YES1: variants seen among roughly 807,000 people sequenced by gnomAD.
The protein encoded by YES1 is YES proto-oncogene 1, Src family tyrosine kinase.
In YES1, 39 loss-of-function variants were observed where a neutral mutation model predicts 70.4. That is an observed-to-expected ratio of 0.55 (90% CI 0.43 to 0.72). The LOEUF (loss-of-function observed/expected upper bound fraction) is 0.72, where lower values mean the gene tolerates loss of function less well. YES1 is among the 30% of genes least tolerant of loss of function. YES1 has a pLI of 0.00. For missense variants in YES1, 495 were observed against 644.8 expected (o/e 0.77, Z 2.52); for synonymous variants, 198 against 218.6 (o/e 0.91, Z 0.83).
At chr18:728,341 T>C (rs1307374587) in intron 11 of YES1, among the ~76,000 whole-genome samples, 1 of 151,410 alleles carries the variant, frequency 6.6e-6, no homozygotes, top group African/African-American at 2.4e-5. Context: ...AAAAATTCAT[T>C]TATGTTTCAT....
intron 1 of YES1, among the ~76,000 whole-genome samples, chr18:794,606 T>C (rs1172139822): frequency 6.6e-6 from 1 of 152,182 alleles, no homozygotes; most frequent in African/African-American, 2.4e-5. Context: ...GTCATAGTTC[T>C]GGAGGCAGGA....
intron 1 of YES1, among the ~76,000 whole-genome samples, chr18:799,339 C>T (rs1906702273): frequency 6.6e-6 from 1 of 152,206 alleles, no homozygotes; most frequent in Non-Finnish European, 1.5e-5. Flanking sequence ...GCTCTCCTTA[C>T]ACTCAGATAA....
intron 11 of YES1, among the ~76,000 whole-genome samples, chr18:725,549 AG>A (rs796612383): frequency 4.6e-5 from 7 of 152,330 alleles, no homozygotes; most frequent in African/African-American, 1.7e-4. Context: ...AATACTTAAA[AG>A]GAAGTTTTCT....
intron 1 of YES1, chr18:798,269 A>G (rs1906643211): frequency 1.3e-5 from 2 of 152,236 alleles, no homozygotes; most frequent in Non-Finnish European, 2.9e-5. Context: ...CCTGAACTAC[A>G]GATTCATGAC....
At chr18:743,578 A>C (rs1324003418) in intron 6 of YES1, among the ~76,000 whole-genome samples, 163 bp from the exon 7 acceptor site, 2 of 152,226 alleles carry the variant, frequency 1.3e-5, no homozygotes, top group African/African-American at 4.8e-5. Context: ...ATAAGCAGCA[A>C]AACATGAAAT....
intron 1 of YES1, among the ~76,000 whole-genome samples, chr18:773,474 A>T (rs1200532449): frequency 6.6e-6 from 1 of 152,182 alleles, no homozygotes; most frequent in African/African-American, 2.4e-5. Flanking sequence ...AAAGAAGGTA[A>T]ATCAGTGTAT....
At chr18:809,740 A>G (rs1388209273) in intron 1 of YES1, among the ~76,000 whole-genome samples, 1 of 152,162 alleles carries the variant, frequency 6.6e-6, no homozygotes, top group Non-Finnish European at 1.5e-5. Context: ...AGCACCTTAT[A>G]TAGACATTAC....
At chr18:760,240 C>T (rs994017558) in intron 1 of YES1, among the ~76,000 whole-genome samples, 11 of 152,014 alleles carry the variant, frequency 7.2e-5, no homozygotes, top group Non-Finnish European at 1.2e-4. Context: ...AGGGACAAGG[C>T]GGGTGGATCA....
In YES1 at chr18:756,662, T is replaced by C; in HGVS notation, c.166A>G (p.Ser56Gly). 6.2e-7 allele frequency: 1 copy of C among 1,614,206 alleles called. No individual in the cohort carries two copies. ...SAKGTAVNFSSLSMTPFGGSS... is the reference protein window; with the variant it reads ...SAKGTAVNFSGLSMTPFGGSS... ...CCTCCAAATGGTGTCATGGAAAGAC[T>C]GCTGAAATTAACTGCTGTTCCCTTT... The change falls in exon 2 of 12, where the codon AGT becomes GGT. Residue 56 changes from serine to glycine, a missense_variant. Coordinates refer to ENST00000314574, the MANE Select transcript of YES1 (RefSeq NM_005433.4).
intron 1 of YES1, among the ~76,000 whole-genome samples, chr18:788,455 A>G (rs867911835): frequency 9.9e-5 from 15 of 152,238 alleles, no homozygotes; most frequent in African/African-American, 3.6e-4. Context: ...CGATGTGTAT[A>G]TATTTAAAAT....
chr18:769,793 T>C (rs1905076110), intron 1 of YES1, among the ~76,000 whole-genome samples: 2 of 152,194 alleles, frequency 1.3e-5, no homozygotes, highest in Non-Finnish European at 2.9e-5. Flanking sequence ...CATGGTATAT[T>C]ACCCTTTTAT....
At chr18:801,363 T>C (rs1469698410) in intron 1 of YES1, among the ~76,000 whole-genome samples, 1 of 151,926 alleles carries the variant, frequency 6.6e-6, no homozygotes, top group Non-Finnish European at 1.5e-5. Flanking sequence ...CAAACTAGTA[T>C]AGAAGACTAT....
chr18:751,849 A>G (rs750944866), intron 2 of YES1, 45 bp from the exon 3 acceptor site: 9 of 1,142,946 alleles, frequency 7.9e-6, no homozygotes, highest in African/African-American at 3.2e-5. Flanking sequence ...TAGCTAACTT[A>G]ACAAAACAGA....
chr18:744,069 T>C (rs943008302), intron 6 of YES1, among the ~76,000 whole-genome samples: 4 of 150,182 alleles, frequency 2.7e-5, no homozygotes, highest in African/African-American at 4.9e-5. Context: ...ACTTAAAATA[T>C]ATATTTTTTT....
chr18:757,365 T>C (rs573041368), intron 1 of YES1, among the ~76,000 whole-genome samples: 23 of 151,460 alleles, frequency 1.5e-4, no homozygotes, highest in African/African-American at 2.7e-4. Context: ...TAGCCGGGCG[T>C]GGTGGTGGGC....
At chr18:753,456 A>C (rs1358301655) in intron 2 of YES1, among the ~76,000 whole-genome samples, 1 of 152,134 alleles carries the variant, frequency 6.6e-6, no homozygotes, top group Non-Finnish European at 1.5e-5. Context: ...TACTCTACTC[A>C]ACATAATCCC....
At chr18:767,563 AT>A (rs1314770380) in intron 1 of YES1, among the ~76,000 whole-genome samples, 1 of 152,202 alleles carries the variant, frequency 6.6e-6, no homozygotes, top group Non-Finnish European at 1.5e-5. Context: ...GCAATTAACC[AT>A]GTATGTGTGT....
intron 10 of YES1, among the ~76,000 whole-genome samples, chr18:735,488 T>G (rs2080141786): frequency 7.4e-6 from 1 of 135,354 alleles, no homozygotes; most frequent in African/African-American, 2.8e-5. Flanking sequence ...CTTTGGGGAG[T>G]AAGGGGGAAA....
At chr18:765,590 C>T (rs533034529) in intron 1 of YES1, among the ~76,000 whole-genome samples, 61 of 151,550 alleles carry the variant, frequency 4.0e-4, no homozygotes, top group African/African-American at 1.4e-3. Flanking sequence ...AGTAGAGACA[C>T]GGTTTCACCT....
Sources: allele counts gnomAD v4.1 joint callset (sites outside exome capture counted in the v4.1 genomes callset), GRCh38; gene constraint gnomAD v4.1.1; transcripts MANE v1.5; gene names NCBI Gene and HGNC (gene_info 2026-07-23, HGNC 2026-07-21).